Variants in MORN1 observed in about 807,000 individuals in gnomAD.
The protein encoded by MORN1 is MORN repeat-containing protein 1.
In MORN1, 67 loss-of-function variants were observed where a neutral mutation model predicts 61.9. The observed-to-expected ratio is 1.08, with a 90% CI of 0.89 to 1.33. The LOEUF (loss-of-function observed/expected upper bound fraction) is 1.33. MORN1 is among the 40% of genes most tolerant of loss of function. The pLI is 0.00. For missense variants in MORN1, 752 were observed against 691.2 expected (o/e 1.09, Z -0.99); for synonymous variants, 301 against 292.0 (o/e 1.03, Z -0.31).
intron 6 of MORN1, among the ~76,000 whole-genome samples, chr1:2,383,904 A>G (rs1642428090): frequency 6.6e-6 from 1 of 152,140 alleles, no homozygotes; most frequent in Non-Finnish European, 1.5e-5. Context: ...ACCAGCCAGG[A>G]GCTCAGGCCT....
rs550985375 is a variant in MORN1, at chr1:2,330,537, C to T, written c.1250+5932G>A. Among the ~76,000 whole-genome samples the T allele has an allele frequency of 7.9e-5, 12 of 152,254 alleles. No individual in the cohort carries two copies. In the East Asian group the frequency reaches 1.2e-3, roughly 15 times the overall value. The stretch of plus-strand genomic sequence containing the variant: ...CTGGCGACAGAGCCAGGAAGGGGCT[C>T]GGTGGGCTGTGGAGCATCCACGATC... On this transcript the variant is annotated intron_variant, in intron 12 of 13. Transcript: ENST00000378531.
At chr1:2,325,569 A>C (rs1330568987) in intron 12 of MORN1, among the ~76,000 whole-genome samples, 1 of 151,190 alleles carries the variant, frequency 6.6e-6, no homozygotes, top group Non-Finnish European at 1.5e-5. Flanking sequence ...TTGGTCTCAA[A>C]CTCCTGGGCT....
At chr1:2,333,119 G>A (rs911179833) in intron 12 of MORN1, among the ~76,000 whole-genome samples, 2 of 152,254 alleles carry the variant, frequency 1.3e-5, no homozygotes, top group East Asian at 3.8e-4. Context: ...GTTGGGGGGC[G>A]TGACTGGGGG....
In MORN1 at chr1:2,390,817, C is replaced by G. The variant is rs1454812474; in HGVS notation, c.76+641G>C. 3.4e-6 allele frequency: 3 copies of G among 886,308 alleles called. No homozygotes were observed. In the African/African-American group the frequency reaches 5.5e-5, roughly 16 times the overall value. 54.9% of individuals were successfully genotyped at this position (886,308 alleles called of 1,614,324 possible). ...AGGCTGGGGTGCAGCGGCGCGATCT[C>G]GGCTCTCTGCAACCTCCGCTTCCTG... On this transcript the variant is annotated intron_variant, in intron 1 of 13. Coordinates refer to ENST00000378531, the MANE Select transcript of MORN1 (RefSeq NM_024848.3).
chr1:2,391,370 G>C, intron 1 of MORN1, 88 bp downstream of exon 1: 3 of 1,230,244 alleles, frequency 2.4e-6, no homozygotes, highest in Middle Eastern at 2.2e-4. Flanking sequence ...TCCGAGGTGA[G>C]CATTTGGGGG....
intron 10 of MORN1, among the ~76,000 whole-genome samples, chr1:2,346,245 C>T (rs534276142): frequency 1.7e-3 from 259 of 152,282 alleles, no homozygotes; most frequent in South Asian, 6.9e-3. Context: ...GCTTCACAGA[C>T]GCCAGGGTGC....
intron 8 of MORN1, among the ~76,000 whole-genome samples, chr1:2,370,397 A>T (rs1423025674): frequency 1.3e-5 from 2 of 152,204 alleles, no homozygotes; most frequent in Non-Finnish European, 1.5e-5. Flanking sequence ...TTCTGGAGGG[A>T]TACGAGAAAA....
chr1:2,322,633 A>G, intron 13 of MORN1: 1 of 985,130 alleles, frequency 1.0e-6, no homozygotes, highest in Non-Finnish European at 1.2e-6. Context: ...GGGCCACAGC[A>G]CCGGGCACCG....
chr1:2,380,115 C>T (rs183396041), intron 6 of MORN1, among the ~76,000 whole-genome samples: 10 of 152,254 alleles, frequency 6.6e-5, no homozygotes, highest in Non-Finnish European at 7.4e-5. Flanking sequence ...CTGGGGACAC[C>T]GCGCCGGGTG....
chr1:2,341,657 C>T (rs1235632643), intron 10 of MORN1, among the ~76,000 whole-genome samples: 1 of 150,454 alleles, frequency 6.6e-6, no homozygotes, highest in African/African-American at 2.5e-5. Flanking sequence ...CTCCATTGCA[C>T]TCCAGCCTGG....
chr1:2,390,771 C>T, intron 1 of MORN1: 2 of 959,986 alleles, frequency 2.1e-6, no homozygotes, highest in Non-Finnish European at 1.2e-6. Flanking sequence ...TTTTTTGAGA[C>T]TGAGTCTTGC....
chr1:2,351,684 G>A, intron 10 of MORN1: 1 of 432,212 alleles, frequency 2.3e-6, no homozygotes, highest in South Asian at 2.0e-5. Context: ...TTCACGTGCT[G>A]GTTGCTTCGC....
At position 2,379,254 on chromosome 1, in the gene MORN1, A is replaced by G. The variant is rs907949879; in HGVS notation, c.538-4697T>C. 3 of 432,674 alleles carry G rather than the reference A, an allele frequency of 6.9e-6. No homozygotes were observed. The Admixed American group carries it at 8.5e-5, about 12-fold the overall frequency. 26.8% of individuals were successfully genotyped at this position (432,674 alleles called of 1,614,324 possible). ...TGATGTAGGAGGTGCCAAGGGCATG[A>G]TCCGAGGTGGGCAGAGGTGAAGGCC... On this transcript the variant is annotated intron_variant, in intron 6 of 13. Transcript: ENST00000378531.
intron 10 of MORN1, among the ~76,000 whole-genome samples, chr1:2,348,725 G>GCACACGCACACCTGCGCGGGCACGCACA (rs1557876309): frequency 7.5e-6 from 1 of 133,418 alleles, no homozygotes; most frequent in Non-Finnish European, 1.6e-5. Context: ...GCGCGGGCAC[G>GCACACGCACACCTGCGCGGGCACGCACA]CACACGCACA....
In MORN1 at chr1:2,334,307, C is replaced by G. The variant is rs116613736; in HGVS notation, c.1250+2162G>C. Reference sequence around the variant, plus strand: ...GGAACTGGTGGTGGGGGTCAGGCTCCATGGAGGACGAGAGGCACAGGCCCA... The same window carrying G: ...GGAACTGGTGGTGGGGGTCAGGCTCGATGGAGGACGAGAGGCACAGGCCCA... On this transcript the variant is annotated intron_variant, in intron 12 of 13. Transcript: ENST00000378531. The surrounding 1 kb of genome is among the most constrained non-coding windows in gnomAD (Gnocchi z 5.4). Among the ~76,000 whole-genome samples the G allele has an allele frequency of 6.6e-6, 1 of 152,244 alleles. No homozygotes were observed. Among genetic ancestry groups the G allele is most frequent in the Non-Finnish European group, 1.5e-5 (1 of 68,010 alleles).
chr1:2,323,726 G>T, intron 13 of MORN1: 1 of 985,342 alleles, frequency 1.0e-6, no homozygotes, highest in East Asian at 1.1e-4. Context: ...CCTTGCTGGG[G>T]AGCAGCTCCT....
intron 10 of MORN1, chr1:2,351,722 A>G (rs2840525): frequency 0.21 from 104,449 of 505,974 alleles, 16,345 homozygotes; most frequent in African/African-American, 0.61. Context: ...TTCTGAACTC[A>G]TCACAATCAC....
At chr1:2,368,002 G>A (rs1402289478) in intron 8 of MORN1, among the ~76,000 whole-genome samples, 2 of 152,164 alleles carry the variant, frequency 1.3e-5, no homozygotes, top group African/African-American at 4.8e-5. Flanking sequence ...AGTCTTCATA[G>A]ATATGACATC....
At chr1:2,348,209 G>A (rs185778681) in intron 10 of MORN1, among the ~76,000 whole-genome samples, 61 of 152,366 alleles carry the variant, frequency 4.0e-4, no homozygotes, top group Middle Eastern at 3.4e-3. Context: ...TTCAGGGAAG[G>A]TTCCCCCGTG....
Sources: gnomAD v4.1 joint callset for allele counts (sites outside exome capture counted in the v4.1 genomes callset) on GRCh38, gnomAD v4.1.1 for gene constraint, Gnocchi (gnomAD v3.1) non-coding constraint, MANE v1.5 for transcripts, NCBI Gene and HGNC (gene_info 2026-07-23, HGNC 2026-07-21) for gene names.